The following CSNK2A2 variants were observed in gnomAD, a reference collection of about 807,000 sequenced individuals.
CSNK2A2 encodes casein kinase 2 alpha 2.
Under a neutral mutation model 54.0 loss-of-function variants are expected in CSNK2A2, and 8 were observed. That is an observed-to-expected ratio of 0.15 (90% CI 0.09 to 0.27). The LOEUF (loss-of-function observed/expected upper bound fraction) is 0.27. Ranked by LOEUF, CSNK2A2 falls within the 10% of genes least tolerant of loss-of-function variation. CSNK2A2 has a pLI of 1.00. For synonymous variants in CSNK2A2, 141 were observed against 153.9 expected (o/e 0.92, Z 0.62); for missense variants, 242 against 439.4 (o/e 0.55, Z 4.02).
chr16:58,171,958 C>CATATATATATATATATATAT (rs71155247), intron 5 of CSNK2A2, among the ~76,000 whole-genome samples: 18 of 31,328 alleles, frequency 5.7e-4, no homozygotes, highest in East Asian at 4.4e-3. Flanking sequence ...CTGGAGCATG[C>CATATATATATATATATATAT]ATATATATAT....
chr16:58,177,526 C>T (rs924190260), intron 4 of CSNK2A2, among the ~76,000 whole-genome samples: 1 of 152,200 alleles, frequency 6.6e-6, no homozygotes, highest in African/African-American at 2.4e-5. Flanking sequence ...CGTAGGCATA[C>T]ACACAGCTGT....
At chr16:58,167,891 C>A in intron 6 of CSNK2A2, 96 bp from the exon 7 acceptor site, 1 of 938,952 alleles carries the variant, frequency 1.1e-6, no homozygotes, top group Non-Finnish European at 1.7e-6. Flanking sequence ...AATCATTTGG[C>A]CACACAAAAA....
At chr16:58,172,085 GC>G (rs1961761981) in intron 5 of CSNK2A2, among the ~76,000 whole-genome samples, 1 of 148,328 alleles carries the variant, frequency 6.7e-6, no homozygotes, top group Non-Finnish European at 1.5e-5. Context: ...GCCTCCCGAA[GC>G]ATTGGGATTT....
chr16:58,185,717 A>T (rs1213317743), intron 3 of CSNK2A2, among the ~76,000 whole-genome samples: 1 of 152,210 alleles, frequency 6.6e-6, no homozygotes, highest in Non-Finnish European at 1.5e-5. Context: ...GCATACAACC[A>T]TCCCTTCCCT....
At chr16:58,188,787 T>C (rs973601930) in intron 2 of CSNK2A2, among the ~76,000 whole-genome samples, 14 of 152,290 alleles carry the variant, frequency 9.2e-5, no homozygotes, top group South Asian at 4.1e-4. Context: ...AATGTCATTA[T>C]ATAGGTGTGT....
At chr16:58,180,873 A>C (rs953819534) in intron 4 of CSNK2A2, among the ~76,000 whole-genome samples, 3 of 152,192 alleles carry the variant, frequency 2.0e-5, no homozygotes, top group African/African-American at 7.2e-5. Flanking sequence ...AAAAAAACAA[A>C]CTTTCCTAAT....
In CSNK2A2 at chr16:58,164,084, G is replaced by GT; in HGVS notation, c.1039dup (p.Thr347AsnfsTer21). The GT allele has an allele frequency of 6.2e-7, 1 of 1,613,636 alleles. No individual in the cohort carries two copies. The highest frequency in any genetic ancestry group is 8.5e-7 in the Non-Finnish European group (1 of 1,179,750). ...GCTTTCCAGTCTTCATCGTGCTGCCGTGAGACCACTGGAAAGCACAGCATT... is the reference window on the plus strand; with the variant it reads ...GCTTTCCAGTCTTCATCGTGCTGCCGTTGAGACCACTGGAAAGCACAGCATT... On this transcript the variant is annotated frameshift_variant, in exon 11 of 12. Transcript: ENST00000262506. LOFTEE classifies it high-confidence loss of function.
chr16:58,184,924 T>C (rs1229089319), intron 3 of CSNK2A2, among the ~76,000 whole-genome samples: 1 of 152,172 alleles, frequency 6.6e-6, no homozygotes, highest in Non-Finnish European at 1.5e-5. Flanking sequence ...CTAGAGACCA[T>C]TAAAGATTGT....
In CSNK2A2 at chr16:58,165,534, C is replaced by T; in HGVS notation, c.976+26G>A. 2.5e-6 allele frequency: 4 copies of T among 1,589,510 alleles called. No individual in the cohort carries two copies. The South Asian group carries it at 4.6e-5, about 18-fold the overall frequency. On this transcript the variant is annotated intron_variant, in intron 10 of 11. Coordinates refer to ENST00000262506, the MANE Select transcript of CSNK2A2 (RefSeq NM_001896.4). The stretch of plus-strand genomic sequence containing the variant: ...ATTTGTTCTCTTGACTGAATTACTC[C>T]CTGAACACAGTCCCTGGAGACTCAC...
At chr16:58,182,261 T>C (rs181861155) in intron 4 of CSNK2A2, among the ~76,000 whole-genome samples, 30 of 149,788 alleles carry the variant, frequency 2.0e-4, no homozygotes, top group African/African-American at 6.9e-4. Context: ...CTAGGTGCGG[T>C]GGCTCACGCT....
intron 11 of CSNK2A2, chr16:58,161,550 GACAC>G (rs1210167503): frequency 7.8e-6 from 1 of 128,100 alleles, no homozygotes; most frequent in Non-Finnish European, 1.5e-5. Context: ...CACACACACA[GACAC>G]ACACACAGAC....
intron 4 of CSNK2A2, among the ~76,000 whole-genome samples, chr16:58,180,971 GA>G (rs1312816618): frequency 6.6e-6 from 1 of 152,180 alleles, no homozygotes; most frequent in Non-Finnish European, 1.5e-5. Context: ...ATACTATCTG[GA>G]AAAGAATTTA....
chr16:58,165,063 CCA>C (rs1961528271), intron 10 of CSNK2A2, among the ~76,000 whole-genome samples: 1 of 152,186 alleles, frequency 6.6e-6, no homozygotes, highest in Non-Finnish European at 1.5e-5. Flanking sequence ...CAAAGTGAAT[CCA>C]CACACACTTC....
At chr16:58,163,848 G>C in intron 11 of CSNK2A2, 1 of 449,934 alleles carries the variant, frequency 2.2e-6, no homozygotes, top group East Asian at 3.7e-5. Flanking sequence ...TCCTGAACTA[G>C]GTGCATCCCC....
At chr16:58,186,663 A>G (rs1454454626) in intron 3 of CSNK2A2, 92 bp downstream of exon 3, 34 of 852,486 alleles carry the variant, frequency 4.0e-5, no homozygotes, top group Non-Finnish European at 5.5e-5. Flanking sequence ...CACCATCCCC[A>G]CTGTATCATT....
At chr16:58,168,879 G>A (rs956961750) in intron 5 of CSNK2A2, among the ~76,000 whole-genome samples, 186 bp from the exon 6 acceptor site, 1 of 152,100 alleles carries the variant, frequency 6.6e-6, no homozygotes, top group Non-Finnish European at 1.5e-5. Context: ...GCACACTACA[G>A]CTGGTAGAAA....
At position 58,197,639 on chromosome 16, in the gene CSNK2A2, C is replaced by T. The variant is rs1962505441; in HGVS notation, c.98G>A (p.Ser33Asn). 5 of 1,569,578 alleles carry T rather than the reference C, an allele frequency of 3.2e-6. No individual in the cohort carries two copies. The highest frequency in any genetic ancestry group is 1.4e-5 in the African/African-American group (1 of 70,684). Reference sequence around the variant, plus strand: ...GGGGCGGCGACGGCTTTACCCCCAGCTCGGGACGTGAGCCTCGTAGTCCCA... The same window carrying T: ...GGGGCGGCGACGGCTTTACCCCCAGTTCGGGACGTGAGCCTCGTAGTCCCA... The part of the protein sequence containing the change: ...EYWDYEAHVP[S>N]WGNQDDYQLV... Residue 33 changes from serine to asparagine, a missense_variant, in exon 1 of 12, where the codon AGC (serine) becomes AAC (asparagine). Ser to Asn is a conservative substitution (Grantham distance 46, BLOSUM62 1). Transcript: ENST00000262506. The surrounding 1 kb of genome is among the most constrained non-coding windows in gnomAD (Gnocchi z 4.0).
intron 4 of CSNK2A2, among the ~76,000 whole-genome samples, chr16:58,183,236 G>C (rs556979475): frequency 3.9e-5 from 6 of 152,030 alleles, no homozygotes; most frequent in East Asian, 1.9e-4. Flanking sequence ...AATTAGCTGG[G>C]GGTAGTAGTG....
chr16:58,188,974 T>G lies in CSNK2A2; in HGVS notation c.217-2118A>C, dbSNP rs938129373. On this transcript the variant is annotated intron_variant, in intron 2 of 11. Coordinates refer to ENST00000262506, the MANE Select transcript of CSNK2A2 (RefSeq NM_001896.4). ...AACTGGCTTTTTTTTTTTTTTTTTT[T>G]GAGACGGAGTCTCACTCCGTGGCCC... Among the ~76,000 whole-genome samples the G allele has an allele frequency of 6.0e-5, 6 of 99,962 alleles. No homozygotes were observed. The East Asian group carries it at 1.9e-3, about 32-fold the overall frequency. The allele number at this position is 99,962 out of a possible 152,430, so 65.6% of individuals were successfully genotyped here.
Sources: gnomAD v4.1 joint callset for allele counts (sites outside exome capture counted in the v4.1 genomes callset) on GRCh38, gnomAD v4.1.1 for gene constraint, Gnocchi (gnomAD v3.1) non-coding constraint, MANE v1.5 for transcripts, NCBI Gene and HGNC (gene_info 2026-07-23, HGNC 2026-07-21) for gene names.